Variants in CREB5 observed in about 807,000 individuals in gnomAD.
The protein encoded by CREB5 is cAMP responsive element binding protein 5.
In CREB5, 19 loss-of-function variants were observed where a neutral mutation model predicts 57.1. The ratio of observed to expected loss-of-function variants is 0.33; its 90% CI spans 0.23 to 0.49. CREB5 has a LOEUF of 0.49. Among genes scored for constraint, CREB5 ranks in the 20% least tolerant of loss-of-function variants. The probability of loss-of-function intolerance (pLI) is 0.99; values close to 1 mark genes in which losing one functional copy is unlikely to be tolerated. For synonymous variants in CREB5, 238 were observed against 238.3 expected (o/e 1.00, Z 0.01); for missense variants, 579 against 671.6 (o/e 0.86, Z 1.52).
intron 1 of CREB5, among the ~76,000 whole-genome samples, chr7:28,374,816 C>T (rs1449297954): frequency 6.6e-6 from 1 of 152,142 alleles, no homozygotes; most frequent in South Asian, 2.1e-4. Context: ...TGGGAATATC[C>T]ATCCCAGGTT....
rs1306119784 is a variant in CREB5 at position 28,560,883 on chromosome 7, CGTGCGTGTGTGTGCGTGCGCGCGTGCGT to C, written c.292-9470_292-9443del. Among the ~76,000 whole-genome samples, 2 of 17,274 alleles carry C rather than the reference CGTGCGTGTGTGTGCGTGCGCGCGTGCGT, an allele frequency of 1.2e-4. 1 individual carries two copies. The highest frequency in any genetic ancestry group is 2.4e-4 in the Non-Finnish European group (2 of 8,208). 11.3% of individuals were successfully genotyped at this position (17,274 alleles called of 152,430 possible). A position where few individuals can be genotyped will look rare whatever the true frequency, so the allele number is the denominator to read the frequency against. ...GCGTGTGCCTGCGTGCGCGTGCGTG[CGTGCGTGTGTGTGCGTGCGCGCGTGCGT>C]GTGCGTGTGTGCGCGTGCGTGTGTG... On this transcript the variant is annotated intron_variant, in intron 4 of 10. Coordinates refer to ENST00000357727, the MANE Select transcript of CREB5 (RefSeq NM_182898.4).
At chr7:28,606,516 A>T (rs1281645721) in intron 5 of CREB5, among the ~76,000 whole-genome samples, 2 of 152,200 alleles carry the variant, frequency 1.3e-5, no homozygotes, top group Admixed American at 6.5e-5. Flanking sequence ...TAGGGCCCTC[A>T]GCAGTCAGAA....
chr7:28,699,214 A>G (rs550287012), intron 5 of CREB5, among the ~76,000 whole-genome samples: 3 of 150,522 alleles, frequency 2.0e-5, no homozygotes, highest in Non-Finnish European at 4.4e-5. Flanking sequence ...GGGCGTATTC[A>G]GTGACTGCCA....
At chr7:28,540,963 C>T (rs1319756135) in intron 4 of CREB5, among the ~76,000 whole-genome samples, 1 of 152,184 alleles carries the variant, frequency 6.6e-6, no homozygotes, top group Non-Finnish European at 1.5e-5. Context: ...GATACCCACG[C>T]CACCTTGAAT....
intron 4 of CREB5, among the ~76,000 whole-genome samples, chr7:28,563,720 A>G (rs1795367287): frequency 6.6e-6 from 1 of 152,154 alleles, no homozygotes; most frequent in Admixed American, 6.5e-5. Flanking sequence ...CAGAATTTAA[A>G]TATGTGTATC....
At chr7:28,583,092 C>A (rs1358143385) in intron 5 of CREB5, among the ~76,000 whole-genome samples, 1 of 152,150 alleles carries the variant, frequency 6.6e-6, no homozygotes, top group Non-Finnish European at 1.5e-5. Context: ...CAGGGCTCCC[C>A]ATTTCCCAGG....
intron 1 of CREB5, among the ~76,000 whole-genome samples, chr7:28,486,670 T>TTATATATATATATATGTATA (rs1554331893): frequency 1.1e-5 from 1 of 89,116 alleles, no homozygotes; most frequent in African/African-American, 4.3e-5. Flanking sequence ...TCCTATGATT[T>TTATATATATATATATGTATA]TATATATATA....
chr7:28,495,051 G>T (rs548568812), intron 3 of CREB5, 52 bp downstream of exon 3: 1 of 1,274,102 alleles, frequency 7.8e-7, no homozygotes, highest in Non-Finnish European at 1.1e-6. Context: ...TGTTCCATGC[G>T]AGATACTTGT....
intron 1 of CREB5, among the ~76,000 whole-genome samples, chr7:28,349,455 G>A (rs933097518): frequency 2.0e-5 from 3 of 151,606 alleles, no homozygotes; most frequent in East Asian, 1.9e-4. Flanking sequence ...CTAGTATCCC[G>A]TTGTGGTGGG....
intron 4 of CREB5, among the ~76,000 whole-genome samples, chr7:28,547,934 G>T (rs1392053193): frequency 6.6e-6 from 1 of 152,182 alleles, no homozygotes; most frequent in African/African-American, 2.4e-5. Flanking sequence ...GAATGCACAG[G>T]AGAAGCAGCT....
chr7:28,601,140 G>A (rs1288519055), intron 5 of CREB5, among the ~76,000 whole-genome samples: 1 of 151,934 alleles, frequency 6.6e-6, no homozygotes, highest in African/African-American at 2.4e-5. Context: ...GAGAAAGTTG[G>A]ACCTTCCTTC....
chr7:28,317,664 T>G (rs550889126), intron 1 of CREB5, among the ~76,000 whole-genome samples: 3 of 152,242 alleles, frequency 2.0e-5, no homozygotes, highest in East Asian at 3.9e-4. Context: ...CTTCCTTCAT[T>G]GTGTTGAGAG....
chr7:28,325,363 G>T (rs1397741770), intron 1 of CREB5, among the ~76,000 whole-genome samples: 5 of 151,900 alleles, frequency 3.3e-5, no homozygotes, highest in Non-Finnish European at 7.4e-5. Flanking sequence ...GCTGAGGCAG[G>T]AGAATGGCGT....
At chr7:28,732,001 C>T (rs922134537) in intron 7 of CREB5, among the ~76,000 whole-genome samples, 15 of 152,170 alleles carry the variant, frequency 9.9e-5, no homozygotes, top group Admixed American at 9.2e-4. Context: ...TGTTTTCTCG[C>T]TGTTTTCTTT....
intron 8 of CREB5, among the ~76,000 whole-genome samples, chr7:28,807,817 TGAA>T (rs1216022915): frequency 6.7e-6 from 1 of 150,356 alleles, no homozygotes; most frequent in African/African-American, 2.4e-5. Context: ...TTATTGAGAA[TGAA>T]GAAGGAGGAA....
At chr7:28,560,751 A>G (rs1348506913) in intron 4 of CREB5, among the ~76,000 whole-genome samples, 1 of 151,738 alleles carries the variant, frequency 6.6e-6, no homozygotes, top group Non-Finnish European at 1.5e-5. Flanking sequence ...GCCCTTCAGA[A>G]CATGGTATAA....
At chr7:28,630,548 C>A (rs41300) in intron 5 of CREB5, among the ~76,000 whole-genome samples, 79,858 of 151,938 alleles carry the variant, frequency 0.53, 21,428 homozygotes, top group East Asian at 0.64. Flanking sequence ...TTAAGGCATC[C>A]TGCTGGGTGT....
Position 28,431,332 on chromosome 7 carries a change from T to C in CREB5, c.3+18415T>C, listed in dbSNP as rs370421773. Among the ~76,000 whole-genome samples, 14 of 152,320 alleles carry C rather than the reference T, an allele frequency of 9.2e-5. No homozygotes were observed. In the East Asian group the frequency reaches 2.1e-3, roughly 23 times the overall value. Reference sequence around the variant, plus strand: ...ACATGTAAACAGGACTATGAGTTAATGCTGTATCTATGGCATTCATAATGT... The same window carrying C: ...ACATGTAAACAGGACTATGAGTTAACGCTGTATCTATGGCATTCATAATGT... On this transcript the variant is annotated intron_variant, in intron 1 of 10. Coordinates refer to ENST00000357727, the MANE Select transcript of CREB5 (RefSeq NM_182898.4).
intron 5 of CREB5, among the ~76,000 whole-genome samples, chr7:28,601,310 TG>T (rs1338058086): frequency 1.3e-5 from 2 of 152,032 alleles, no homozygotes; most frequent in Non-Finnish European, 2.9e-5. Flanking sequence ...CAAGAGTATT[TG>T]GGGACAAAGA....
Sources: gnomAD v4.1 joint callset for allele counts (sites outside exome capture counted in the v4.1 genomes callset) on GRCh38, gnomAD v4.1.1 for gene constraint, MANE v1.5 for transcripts, NCBI Gene and HGNC (gene_info 2026-07-23, HGNC 2026-07-21) for gene names.